Variants in CLASP1 observed in about 807,000 individuals in gnomAD.
The protein encoded by CLASP1 is CLIP-associating protein 1.
CLASP1 carries 38 observed loss-of-function variants against 192.3 expected under a neutral mutation model. The observed-to-expected ratio is 0.20, with a 90% CI of 0.15 to 0.26. The LOEUF is 0.26. CLASP1 is among the 10% of genes least tolerant of loss of function. CLASP1 has a pLI of 1.00. For synonymous variants in CLASP1, 691 were observed against 712.8 expected, an observed-to-expected ratio of 0.97 and a Z score of 0.49; for missense variants, 1,433 against 1,932.5, an observed-to-expected ratio of 0.74 and a Z score of 4.85.
intron 8 of CLASP1, among the ~76,000 whole-genome samples, chr2:121,471,854 C>A (rs2090792131): frequency 6.6e-6 from 1 of 152,188 alleles, no homozygotes; most frequent in African/African-American, 2.4e-5. Context: ...TTAGCATAGA[C>A]TTCCCGTGGA....
chr2:121,346,103 C>T (rs2063417189), intron 39 of CLASP1, among the ~76,000 whole-genome samples: 1 of 152,226 alleles, frequency 6.6e-6, no homozygotes, highest in Non-Finnish European at 1.5e-5. Flanking sequence ...GAAATGGGCC[C>T]CACTTGCCAA....
rs571031504 is a variant in CLASP1, at chr2:121,538,793, A to G, written c.196-8468T>C. On this transcript the variant is annotated intron_variant, in intron 2 of 39. Coordinates refer to ENST00000263710, the Ensembl canonical transcript of CLASP1. ...GAGCAAGACTCAGTCTCAAAAAAAAAAAAACTACAAGATCTAAAGGTGCAT... is the reference window on the plus strand; with the variant it reads ...GAGCAAGACTCAGTCTCAAAAAAAAGAAAACTACAAGATCTAAAGGTGCAT... Among the ~76,000 whole-genome samples, 5 of 152,268 alleles carry G rather than the reference A, an allele frequency of 3.3e-5. No individual in the cohort carries two copies. In the East Asian group the frequency reaches 9.6e-4, roughly 29 times the overall value.
At chr2:121,479,597 G>A (rs190874870) in intron 8 of CLASP1, among the ~76,000 whole-genome samples, 160 of 152,258 alleles carry the variant, frequency 1.1e-3, no homozygotes, top group African/African-American at 3.7e-3. Flanking sequence ...TGGATAAATA[G>A]AAAAGTGTAA....
At chr2:121,494,695 A>G (rs2093455134) in intron 8 of CLASP1, among the ~76,000 whole-genome samples, 1 of 152,200 alleles carries the variant, frequency 6.6e-6, no homozygotes, top group Non-Finnish European at 1.5e-5. Context: ...TATGTCACCC[A>G]TAAATATATA....
At chr2:121,565,898 C>G (rs1231752794) in intron 2 of CLASP1, among the ~76,000 whole-genome samples, 1 of 152,168 alleles carries the variant, frequency 6.6e-6, no homozygotes, top group Non-Finnish European at 1.5e-5. Context: ...AGGTAAGGTA[C>G]TAAAACAAGG....
chr2:121,530,895 G>T (rs750325275), intron 2 of CLASP1: 8 of 693,924 alleles, frequency 1.2e-5, no homozygotes, highest in African/African-American at 8.8e-5. Context: ...TCCTTTTCTT[G>T]GGGTTGCGCT....
At chr2:121,423,566 ATAAACT>A (rs1360974588) in intron 22 of CLASP1, among the ~76,000 whole-genome samples, 10 of 152,240 alleles carry the variant, frequency 6.6e-5, no homozygotes, top group African/African-American at 2.2e-4. Flanking sequence ...CAGACATCCT[ATAAACT>A]TAAACAATTA....
chr2:121,646,694 T>C (rs945666897), intron 1 of CLASP1, among the ~76,000 whole-genome samples: 3 of 152,152 alleles, frequency 2.0e-5, no homozygotes, highest in Admixed American at 6.6e-5. Context: ...ATTCAACTTA[T>C]AAATCAAGAC....
chr2:121,493,035 A>C lies in CLASP1; in HGVS notation c.712+10132T>G, dbSNP rs148561208. Among the ~76,000 whole-genome samples, 327 of 152,336 alleles carry C rather than the reference A, an allele frequency of 2.1e-3. 1 individual carries two copies. Among genetic ancestry groups the C allele is most frequent in the African/African-American group, 7.5e-3 (311 of 41,582 alleles). ...ATGGTATGTAAATTATATTTTAACA[A>C]AGCAATTTTAAAAGAGCATTACTGT... On this transcript the variant is annotated intron_variant, in intron 8 of 39. Transcript: ENST00000263710.
intron 1 of CLASP1, among the ~76,000 whole-genome samples, chr2:121,607,907 T>C (rs889514634): frequency 2.0e-5 from 3 of 152,164 alleles, no homozygotes; most frequent in Non-Finnish European, 4.4e-5. Flanking sequence ...AGTCATTCAA[T>C]GAGGAAAACC....
intron 8 of CLASP1, among the ~76,000 whole-genome samples, chr2:121,478,795 ACAC>A (rs2092117965): frequency 2.6e-5 from 1 of 37,792 alleles, no homozygotes; most frequent in Non-Finnish European, 5.6e-5. Flanking sequence ...CACACACACC[ACAC>A]ACCACACACA....
At chr2:121,513,790 A>C (rs1213512795) in intron 7 of CLASP1, among the ~76,000 whole-genome samples, 1 of 152,256 alleles carries the variant, frequency 6.6e-6, no homozygotes, top group African/African-American at 2.4e-5. Context: ...GAGTTGTAAC[A>C]ACACAAGTGA....
intron 21 of CLASP1, 82 bp downstream of exon 21, chr2:121,427,322 T>C (rs2080582093): frequency 6.8e-7 from 1 of 1,464,578 alleles, no homozygotes; most frequent in East Asian, 2.4e-5. Flanking sequence ...AGAGAGAAAT[T>C]AATATTGTGC....
chr2:121,530,182 G>C (rs2094729571), intron 3 of CLASP1, 65 bp downstream of exon 3: 2 of 1,417,752 alleles, frequency 1.4e-6, no homozygotes, highest in South Asian at 1.3e-5. Flanking sequence ...TTGGGAGCCG[G>C]GGAGGCCGAG....
At chr2:121,420,692 A>G (rs2079339005) in intron 22 of CLASP1, among the ~76,000 whole-genome samples, 1 of 152,254 alleles carries the variant, frequency 6.6e-6, no homozygotes, top group Non-Finnish European at 1.5e-5. Context: ...ACAAATAATA[A>G]AAAAGCTATA....
intron 2 of CLASP1, among the ~76,000 whole-genome samples, chr2:121,548,426 A>C (rs950697970): frequency 2.0e-5 from 3 of 152,224 alleles, no homozygotes; most frequent in African/African-American, 7.2e-5. Context: ...AAAGAAGCCA[A>C]ATCTATGAAA....
intron 23 of CLASP1, among the ~76,000 whole-genome samples, chr2:121,418,357 C>T (rs114789411): frequency 0.017 from 2,623 of 152,356 alleles, 23 homozygotes; most frequent in Middle Eastern, 0.051. Flanking sequence ...AATTACCACA[C>T]AGATGGGCTT....
intron 2 of CLASP1, among the ~76,000 whole-genome samples, chr2:121,588,738 T>A (rs960959673): frequency 1.2e-4 from 18 of 152,168 alleles, no homozygotes; most frequent in African/African-American, 3.9e-4. Context: ...AGGCTTCCAC[T>A]AGACCCCTGA....
chr2:121,384,833 A>G (rs1447733964), intron 32 of CLASP1, among the ~76,000 whole-genome samples: 1 of 152,172 alleles, frequency 6.6e-6, no homozygotes, highest in African/African-American at 2.4e-5. Context: ...GTGAGCAGAG[A>G]TCATGCCACT....
Sources: gnomAD v4.1 joint callset for allele counts (sites outside exome capture counted in the v4.1 genomes callset) on GRCh38, gnomAD v4.1.1 for gene constraint, MANE v1.5 for transcripts, NCBI Gene and HGNC (gene_info 2026-07-23, HGNC 2026-07-21) for gene names.